The following OPHN1 variants were observed in gnomAD, a reference collection of about 807,000 sequenced individuals.
OPHN1 encodes oligophrenin 1.
Under a neutral mutation model 60.7 loss-of-function variants are expected in OPHN1, and 11 were observed. That is an observed-to-expected ratio of 0.18 (90% CI 0.11 to 0.30). The LOEUF (loss-of-function observed/expected upper bound fraction) is 0.30. OPHN1 is among the 10% of genes least tolerant of loss of function. The probability of loss-of-function intolerance (pLI) is 1.00; values close to 1 mark genes in which losing one functional copy is unlikely to be tolerated. For missense variants in OPHN1, 449 were observed against 611.0 expected (o/e 0.73, Z 2.80); for synonymous variants, 226 against 222.6 (o/e 1.02, Z -0.14).
intron 23 of OPHN1, among the ~76,000 whole-genome samples, chrX:68,050,789 C>T (rs2076848549): frequency 8.9e-6 from 1 of 112,318 alleles, no homozygotes; most frequent in Non-Finnish European, 1.9e-5. Context: ...TCTCAAGTGG[C>T]TTATTCTAGG....
At chrX:68,176,126 C>G (rs1465162337) in intron 15 of OPHN1, among the ~76,000 whole-genome samples, 1 of 111,627 alleles carries the variant, frequency 9.0e-6, no homozygotes, top group African/African-American at 3.3e-5. Context: ...TAGAAGAAAA[C>G]ATAGGGGAAA....
chrX:68,262,648 G>A (rs2077899032), intron 5 of OPHN1, among the ~76,000 whole-genome samples: 1 of 112,213 alleles, frequency 8.9e-6, no homozygotes. Flanking sequence ...TTAGGTAGGT[G>A]TGGTGGCACA....
At chrX:68,171,698 T>G (rs768627048) in intron 15 of OPHN1, among the ~76,000 whole-genome samples, 1 of 108,762 alleles carries the variant, frequency 9.2e-6, no homozygotes, top group East Asian at 2.9e-4. Flanking sequence ...ATCACACCAC[T>G]GCACTCCAGC....
intron 21 of OPHN1, among the ~76,000 whole-genome samples, chrX:68,056,948 T>G (rs995006076): frequency 8.9e-6 from 1 of 112,071 alleles, no homozygotes; most frequent in Non-Finnish European, 1.9e-5. Flanking sequence ...TTTTTTTAGC[T>G]AACCTTTATT....
chrX:68,348,097 CAT>C (rs1466151593), intron 2 of OPHN1, among the ~76,000 whole-genome samples: 1 of 111,773 alleles, frequency 8.9e-6, no homozygotes, highest in East Asian at 2.8e-4. Flanking sequence ...GTGTGGGGCA[CAT>C]GAGTTATCTG....
At chrX:68,269,446 C>T (rs2077953833) in intron 5 of OPHN1, among the ~76,000 whole-genome samples, 1 of 111,333 alleles carries the variant, frequency 9.0e-6, no homozygotes, top group Non-Finnish European at 1.9e-5. Context: ...TATATACAAC[C>T]ATATGATCTT....
intron 24 of OPHN1, among the ~76,000 whole-genome samples, chrX:68,047,976 G>A (rs1274500871): frequency 1.8e-5 from 2 of 111,702 alleles, no homozygotes; most frequent in Non-Finnish European, 3.8e-5. Flanking sequence ...CACTAAGGTA[G>A]CCTCTTGGCA....
intron 5 of OPHN1, among the ~76,000 whole-genome samples, chrX:68,269,685 C>G (rs2077955616): frequency 8.9e-6 from 1 of 111,743 alleles, no homozygotes; most frequent in Admixed American, 9.5e-5. Flanking sequence ...TGGGCAAGGA[C>G]TTCATGTCTA....
intron 15 of OPHN1, among the ~76,000 whole-genome samples, chrX:68,136,310 T>TTTTTTTTG (rs2077219642): frequency 9.2e-5 from 7 of 76,110 alleles, no homozygotes; most frequent in Non-Finnish European, 1.3e-4. Context: ...TTTTTTTTTT[T>TTTTTTTTG]TTTTTGTTTT....
At chrX:68,345,391 A>T (rs955816009) in intron 2 of OPHN1, among the ~76,000 whole-genome samples, 6 of 112,353 alleles carry the variant, frequency 5.3e-5, no homozygotes, top group Admixed American at 9.5e-5. Context: ...ATCTACAAAA[A>T]TGCACACAGC....
intron 2 of OPHN1, among the ~76,000 whole-genome samples, chrX:68,315,459 T>TA (rs2078194990): frequency 8.9e-6 from 1 of 111,797 alleles, no homozygotes; most frequent in African/African-American, 3.3e-5. Context: ...CTCAACATGA[T>TA]AAAGGTCATA....
intron 2 of OPHN1, among the ~76,000 whole-genome samples, chrX:68,416,376 T>A (rs2078799211): frequency 9.1e-6 from 1 of 110,217 alleles, no homozygotes; most frequent in Non-Finnish European, 1.9e-5. Flanking sequence ...TTCAAGGGCT[T>A]TGTGAAAAAT....
chrX:68,102,626 T>C (rs777008797), intron 18 of OPHN1, among the ~76,000 whole-genome samples: 2 of 110,912 alleles, frequency 1.8e-5, no homozygotes, highest in South Asian at 7.7e-4. Context: ...GATAGACTGC[T>C]AGCCAGACTA....
chrX:68,224,645 T>C (rs1464297816), intron 6 of OPHN1, among the ~76,000 whole-genome samples: 1 of 112,485 alleles, frequency 8.9e-6, no homozygotes, highest in Non-Finnish European at 1.9e-5. Context: ...GAAAGATCTC[T>C]TATTAATAAT....
intron 15 of OPHN1, among the ~76,000 whole-genome samples, chrX:68,119,546 A>C (rs2077141539): frequency 8.9e-6 from 1 of 111,926 alleles, no homozygotes; most frequent in Admixed American, 9.5e-5. Context: ...TCACACAACA[A>C]GAAAAAACTG....
intron 11 of OPHN1, among the ~76,000 whole-genome samples, chrX:68,199,110 A>G (rs1277877984): frequency 8.9e-6 from 1 of 112,283 alleles, no homozygotes; most frequent in Non-Finnish European, 1.9e-5. Context: ...AAATGTTAGC[A>G]ATTGTTTTTA....
intron 5 of OPHN1, among the ~76,000 whole-genome samples, chrX:68,267,411 C>T (rs1168329424): frequency 3.6e-5 from 4 of 111,961 alleles, no homozygotes; most frequent in African/African-American, 1.3e-4. Flanking sequence ...AACTGAACGA[C>T]CTGCTCCCGA....
At chrX:68,373,890 A>C (rs1204916135) in intron 2 of OPHN1, among the ~76,000 whole-genome samples, 1 of 111,472 alleles carries the variant, frequency 9.0e-6, no homozygotes, top group African/African-American at 3.3e-5. Flanking sequence ...AAATGGTGCT[A>C]GTACAATTGG....
At chrX:68,291,665 C>A (rs1399389279) in intron 3 of OPHN1, among the ~76,000 whole-genome samples, 1 of 110,269 alleles carries the variant, frequency 9.1e-6, no homozygotes, top group Non-Finnish European at 1.9e-5. Context: ...TTAAGACATC[C>A]CACATCCTTC....
Sources: gnomAD v4.1 joint callset for allele counts (sites outside exome capture counted in the v4.1 genomes callset) on GRCh38, gnomAD v4.1.1 for gene constraint, MANE v1.5 for transcripts, NCBI Gene and HGNC (gene_info 2026-07-23, HGNC 2026-07-21) for gene names.